NLK: variants seen among roughly 807,000 people sequenced by gnomAD.
NLK encodes serine/threonine-protein kinase NLK.
NLK carries 11 observed loss-of-function variants against 59.0 expected under a neutral mutation model. The ratio of observed to expected loss-of-function variants is 0.19; its 90% confidence interval spans 0.12 to 0.31. The LOEUF (loss-of-function observed/expected upper bound fraction) is 0.31, where lower values mean the gene tolerates loss of function less well. Among genes scored for constraint, NLK ranks in the 10% least tolerant of loss-of-function variants. The pLI is 1.00. For synonymous variants in NLK, 235 were observed against 235.9 expected (o/e 1.00, Z 0.03); for missense variants, 410 against 661.1 (o/e 0.62, Z 4.16).
At chr17:28,136,076 A>T (rs1230386960) in intron 3 of NLK, among the ~76,000 whole-genome samples, 2 of 152,182 alleles carry the variant, frequency 1.3e-5, no homozygotes, top group Non-Finnish European at 2.9e-5. Flanking sequence ...TTTCCTCCTC[A>T]AAATTGTTCG....
intron 7 of NLK, among the ~76,000 whole-genome samples, chr17:28,174,755 C>T (rs1438951488): frequency 6.6e-6 from 1 of 152,164 alleles, no homozygotes; most frequent in Non-Finnish European, 1.5e-5. Context: ...CATCGCTACT[C>T]TCATGAGATG....
In NLK at chr17:28,123,738, T is replaced by C. The variant is rs540186494; in HGVS notation, c.588+1006T>C. 1.1e-4 allele frequency among the ~76,000 whole-genome samples: 16 copies of C among 152,314 alleles called. No individual in the cohort carries two copies. In the South Asian group the frequency reaches 2.5e-3, roughly 24 times the overall value. ...CTATGTTTAGAGATGTGAAGACTTA[T>C]AGACAAATAGACTCGTGTTTTGACA... On this transcript the variant is annotated intron_variant, in intron 2 of 10. Transcript: ENST00000407008.
chr17:28,151,930 T>TA (rs1428432151), intron 3 of NLK, among the ~76,000 whole-genome samples: 1 of 152,248 alleles, frequency 6.6e-6, no homozygotes, highest in Non-Finnish European at 1.5e-5. Context: ...GTGTATGTGG[T>TA]CTTAGTATGA....
At chr17:28,125,838 T>C (rs1906269326) in intron 2 of NLK, among the ~76,000 whole-genome samples, 1 of 152,214 alleles carries the variant, frequency 6.6e-6, no homozygotes, top group Non-Finnish European at 1.5e-5. Flanking sequence ...ATGTTTAATA[T>C]TGCTCTGTGT....
intron 1 of NLK, among the ~76,000 whole-genome samples, chr17:28,074,339 G>C (rs1246810341): frequency 6.6e-6 from 1 of 152,116 alleles, no homozygotes; most frequent in Non-Finnish European, 1.5e-5. Context: ...TTAAAAGTTG[G>C]AGAAAAAAAT....
chr17:28,149,866 T>C lies in NLK; in HGVS notation c.645-11294T>C, dbSNP rs1050655882. On this transcript the variant is annotated intron_variant, in intron 3 of 10. Transcript: ENST00000407008. ...GCTGCTATTCAAAATTTGTTGAAGA[T>C]TGAAGACAGTGACTTCTCATTTGGA... is the stretch of plus-strand genomic sequence containing the variant. Among the ~76,000 whole-genome samples, 5 of 152,206 alleles carry C rather than the reference T, an allele frequency of 3.3e-5. 1 individual carries two copies. The highest frequency in any genetic ancestry group is 1.2e-4 in the African/African-American group (5 of 41,450).
At chr17:28,189,705 A>T (rs553579365) in intron 8 of NLK, among the ~76,000 whole-genome samples, 1 of 152,242 alleles carries the variant, frequency 6.6e-6, no homozygotes, top group African/African-American at 2.4e-5. Context: ...TCCCAGTGGA[A>T]TCTCTAGGAA....
intron 3 of NLK, among the ~76,000 whole-genome samples, chr17:28,150,681 G>T (rs988377684): frequency 6.6e-6 from 1 of 152,068 alleles, no homozygotes; most frequent in African/African-American, 2.4e-5. Flanking sequence ...CATCATTCAG[G>T]TTTTTTTGAA....
intron 1 of NLK, among the ~76,000 whole-genome samples, chr17:28,079,337 T>C (rs982827426): frequency 6.6e-6 from 1 of 152,232 alleles, no homozygotes; most frequent in Admixed American, 6.5e-5. Flanking sequence ...TATGCAAATA[T>C]CTCTTTGAGA....
chr17:28,146,496 C>T (rs999187334), intron 3 of NLK, among the ~76,000 whole-genome samples: 1 of 152,236 alleles, frequency 6.6e-6, no homozygotes, highest in African/African-American at 2.4e-5. Context: ...AGCAGTAACT[C>T]TGTGTAGTAG....
intron 1 of NLK, among the ~76,000 whole-genome samples, chr17:28,062,494 A>G (rs539984938): frequency 6.6e-4 from 101 of 152,246 alleles, no homozygotes; most frequent in Non-Finnish European, 1.2e-3. Flanking sequence ...AAAATTTACT[A>G]TAATGCATGC....
the NLK span, among the ~76,000 whole-genome samples, chr17:28,202,402 C>CCGCTCACCTCAGCCTCCCAAAGTGCTG: frequency 6.6e-6 from 1 of 151,858 alleles, no homozygotes. Flanking sequence ...CCCAAGTGAT[C>CCGCTCACCTCAGCCTCCCAAAGTGCTG]CACTCACCTC....
intron 1 of NLK, among the ~76,000 whole-genome samples, chr17:28,105,586 A>G (rs1233358161): frequency 6.6e-6 from 1 of 152,182 alleles, no homozygotes; most frequent in Non-Finnish European, 1.5e-5. Context: ...TTGTTAGTAA[A>G]AAATTGATTT....
intron 1 of NLK, among the ~76,000 whole-genome samples, chr17:28,111,272 T>C: frequency 6.7e-6 from 1 of 149,434 alleles, no homozygotes. Context: ...CTGCAACCTC[T>C]GCCTCCCGGG....
chr17:28,125,280 CAT>C (rs1177611450), intron 2 of NLK, among the ~76,000 whole-genome samples: 1 of 152,098 alleles, frequency 6.6e-6, no homozygotes, highest in Non-Finnish European at 1.5e-5. Context: ...CCAATTAAAA[CAT>C]AGAAGCAATT....
chr17:28,137,250 A>G (rs913830550), intron 3 of NLK, among the ~76,000 whole-genome samples: 9 of 152,128 alleles, frequency 5.9e-5, no homozygotes, highest in African/African-American at 2.2e-4. Flanking sequence ...CTTTTAAGAA[A>G]CTATTTTTGA....
chr17:28,202,971 T>C, the NLK span, among the ~76,000 whole-genome samples: 1 of 152,030 alleles, frequency 6.6e-6, no homozygotes, highest in East Asian at 1.9e-4. Context: ...CATAAGCCAC[T>C]GCGCCCGGCC....
At chr17:28,068,359 G>A (rs1351952610) in intron 1 of NLK, among the ~76,000 whole-genome samples, 1 of 152,134 alleles carries the variant, frequency 6.6e-6, no homozygotes, top group Non-Finnish European at 1.5e-5. Flanking sequence ...AAGGGGGAAA[G>A]AGTAAAATAA....
chr17:28,145,299 G>C (rs1402089788), intron 3 of NLK, among the ~76,000 whole-genome samples: 1 of 152,108 alleles, frequency 6.6e-6, no homozygotes, highest in Non-Finnish European at 1.5e-5. Context: ...TCTGTAATTA[G>C]GGTTAAATAT....
Sources: allele counts gnomAD v4.1 joint callset (sites outside exome capture counted in the v4.1 genomes callset), GRCh38; gene constraint gnomAD v4.1.1; transcripts MANE v1.5; gene names NCBI Gene and HGNC (gene_info 2026-07-23, HGNC 2026-07-21).